NEDD4: variants seen among roughly 807,000 people sequenced by gnomAD.
NEDD4 encodes NEDD4 E3 ubiquitin protein ligase.
Under a neutral mutation model 144.9 loss-of-function variants are expected in NEDD4, and 99 were observed. The observed-to-expected ratio is 0.68, with a 90% CI of 0.58 to 0.81. The LOEUF is 0.81. Ranked by LOEUF, NEDD4 falls within the 30% of genes least tolerant of loss-of-function variation. The pLI is 0.00. For synonymous variants in NEDD4, 318 were observed against 350.6 expected, an observed-to-expected ratio of 0.91 and a Z score of 1.04; for missense variants, 985 against 1,065.9, an observed-to-expected ratio of 0.92 and a Z score of 1.06.
At chr15:55,861,747 T>C (rs550759635) in intron 9 of NEDD4, among the ~76,000 whole-genome samples, 10 of 152,288 alleles carry the variant, frequency 6.6e-5, no homozygotes, top group Admixed American at 2.6e-4. Flanking sequence ...ATTCTAATTA[T>C]TTGCATTTAA....
intron 1 of NEDD4, among the ~76,000 whole-genome samples, chr15:55,990,511 T>C (rs545977843): frequency 6.6e-6 from 1 of 152,286 alleles, no homozygotes; most frequent in African/African-American, 2.4e-5. Context: ...CAAAGCAAGT[T>C]ACCAGATACT....
intron 4 of NEDD4, among the ~76,000 whole-genome samples, chr15:55,948,530 A>G (rs1223163829): frequency 3.9e-4 from 59 of 152,340 alleles, no homozygotes; most frequent in African/African-American, 1.3e-3. Flanking sequence ...AGCTGGAGGC[A>G]TCATGCTACC....
intron 12 of NEDD4, among the ~76,000 whole-genome samples, 182 bp from the exon 13 acceptor site, chr15:55,852,725 T>TATA (rs2034040939): frequency 2.2e-5 from 3 of 134,506 alleles, no homozygotes; most frequent in African/African-American, 9.6e-5. Flanking sequence ...ATATATATAT[T>TATA]TACCTTTTCT....
chr15:55,883,695 AAAC>A (rs1330425386), intron 5 of NEDD4, among the ~76,000 whole-genome samples: 17,075 of 121,716 alleles, frequency 0.14, 1,336 homozygotes, highest in East Asian at 0.35. Context: ...ACACACACAC[AAAC>A]ACACACACAC....
rs540081073 is a variant in NEDD4, at chr15:55,924,538, C to G, written c.291+108G>C. The stretch of plus-strand genomic sequence containing the variant: ...ACCATTTTGCCCAGAGTCTCCATAA[C>G]CACCCCCAAGCCATCACTCAAATCC... On this transcript the variant is annotated intron_variant, in intron 5 of 28. Transcript: ENST00000435532. The G allele has an allele frequency of 5.3e-5, 50 of 934,838 alleles. No homozygotes were observed. The East Asian group carries it at 1.3e-3, about 25-fold the overall frequency. 57.9% of individuals were successfully genotyped at this position (934,838 alleles called of 1,614,324 possible). A position where few individuals can be genotyped will look rare whatever the true frequency, so the allele number is the denominator to read the frequency against.
intron 19 of NEDD4, among the ~76,000 whole-genome samples, chr15:55,841,644 G>A (rs149477349): frequency 2.0e-5 from 3 of 152,164 alleles, no homozygotes; most frequent in East Asian, 1.9e-4. Flanking sequence ...GTGCAGTGGC[G>A]TGATCTCGGC....
At chr15:55,935,295 C>T (rs552403699) in intron 4 of NEDD4, among the ~76,000 whole-genome samples, 150 of 152,282 alleles carry the variant, frequency 9.9e-4, no homozygotes, top group Non-Finnish European at 1.5e-3. Flanking sequence ...AATTTACTTA[C>T]TGCTCCACTG....
chr15:55,839,993 AAAAAAAATATATATATATATATATATAT>A (rs61146830), intron 21 of NEDD4, among the ~76,000 whole-genome samples: 3,765 of 43,310 alleles, frequency 0.087, 293 homozygotes, highest in East Asian at 0.24. Context: ...AAAAAAAAAA[AAAAAAAATATATATATATATATATATAT>A]ATATATATAT....
intron 27 of NEDD4, 112 bp from the exon 28 acceptor site, chr15:55,830,698 GTTTA>G (rs1318120878): frequency 2.5e-6 from 2 of 800,082 alleles, no homozygotes; most frequent in South Asian, 3.0e-5. Context: ...AACTAATCTG[GTTTA>G]TTTATTTATA....
At chr15:55,885,244 CA>C (rs1245631032) in intron 5 of NEDD4, among the ~76,000 whole-genome samples, 3 of 152,114 alleles carry the variant, frequency 2.0e-5, no homozygotes, top group Admixed American at 2.0e-4. Context: ...CTTTCACAGA[CA>C]AACAAAACCT....
intron 2 of NEDD4, among the ~76,000 whole-genome samples, chr15:55,953,061 C>G (rs2037273215): frequency 6.6e-6 from 1 of 151,116 alleles, no homozygotes. Flanking sequence ...GCAGTCTTGG[C>G]TCACTGCAAC....
chr15:55,848,900 G>A lies in NEDD4; in HGVS notation c.1348-14C>T. 6.2e-7 allele frequency: 1 copy of A among 1,604,314 alleles called. No individual in the cohort carries two copies. The highest frequency in any genetic ancestry group is 8.5e-7 in the Non-Finnish European group (1 of 1,171,396). ...TCTTGGATCTTCCTTTTTTGGTAGA[G>A]TAAATAAAGAACAATACACACAAAT... On this transcript the variant is annotated splice_polypyrimidine_tract_variant and intron_variant, in intron 14 of 28. Transcript: ENST00000435532.
At chr15:55,974,094 C>T (rs2037659728) in intron 1 of NEDD4, among the ~76,000 whole-genome samples, 1 of 152,138 alleles carries the variant, frequency 6.6e-6, no homozygotes, top group South Asian at 2.1e-4. Context: ...GACATTACAA[C>T]TGACACCACA....
At chr15:55,945,985 A>C (rs1250411251) in intron 4 of NEDD4, among the ~76,000 whole-genome samples, 2 of 152,230 alleles carry the variant, frequency 1.3e-5, no homozygotes, top group African/African-American at 4.8e-5. Context: ...GGCCTGCCTT[A>C]CAAGAGCTCA....
At chr15:55,832,949 C>A in intron 27 of NEDD4, 59 bp downstream of exon 27, 3 of 1,131,990 alleles carry the variant, frequency 2.7e-6, no homozygotes, top group South Asian at 2.8e-5. Flanking sequence ...GATTCGTCAG[C>A]CATGAAAAAG....
In NEDD4 at chr15:55,829,977, G is replaced by A. The variant is rs1362405793; in HGVS notation, c.2623C>T (p.Pro875Ser). 6.2e-7 allele frequency: 1 copy of A among 1,613,230 alleles called. No individual in the cohort carries two copies. The highest frequency in any genetic ancestry group is 8.5e-7 in the Non-Finnish European group (1 of 1,179,646). The change falls in exon 29 of 29, where the codon CCT (proline) becomes TCT (serine). Residue 875 changes from proline (P) to serine (S), a missense_variant. Coordinates refer to ENST00000435532, the MANE Select transcript of NEDD4 (RefSeq NM_006154.4). ...HTCFNRLDLP[P>S]YESFEELWDK... ...CATAATTCTTCAAATGATTCATAAGGTGGCAAGTCCAGGCGATTAAAACTG... is the reference window on the plus strand; with the variant it reads ...CATAATTCTTCAAATGATTCATAAGATGGCAAGTCCAGGCGATTAAAACTG...
At chr15:55,927,564 T>C (rs2036698966) in intron 4 of NEDD4, among the ~76,000 whole-genome samples, 2 of 152,128 alleles carry the variant, frequency 1.3e-5, no homozygotes, top group South Asian at 4.1e-4. Flanking sequence ...CACAAGAATA[T>C]TTTTGCATTA....
intron 2 of NEDD4, among the ~76,000 whole-genome samples, chr15:55,960,708 T>C (rs2037411118): frequency 1.3e-5 from 2 of 152,176 alleles, no homozygotes; most frequent in African/African-American, 4.8e-5. Context: ...AGAACCCTAA[T>C]ACTGATTTCT....
chr15:55,955,420 T>C (rs766369913), intron 2 of NEDD4, among the ~76,000 whole-genome samples: 14 of 152,220 alleles, frequency 9.2e-5, no homozygotes, highest in Non-Finnish European at 1.6e-4. Flanking sequence ...TTATTCTTCC[T>C]GCTTGACTCA....
Sources: gnomAD v4.1 joint callset for allele counts (sites outside exome capture counted in the v4.1 genomes callset) on GRCh38, gnomAD v4.1.1 for gene constraint, MANE v1.5 for transcripts, NCBI Gene and HGNC (gene_info 2026-07-23, HGNC 2026-07-21) for gene names.